The following RDH13 variants were observed in gnomAD, a reference collection of about 807,000 sequenced individuals.
RDH13 encodes retinol dehydrogenase 13.
In RDH13, 35 loss-of-function variants were observed where a neutral mutation model predicts 28.3. The ratio of observed to expected loss-of-function variants is 1.24; its 90% CI spans 0.95 to 1.64. RDH13 has a LOEUF of 1.64. Ranked by LOEUF, RDH13 falls within the 40% of genes most tolerant of loss-of-function variation. The pLI, the probability that RDH13 is intolerant of heterozygous loss-of-function variation, is 0.00. For synonymous variants in RDH13, 229 were observed against 198.5 expected (o/e 1.15, Z -1.29); for missense variants, 514 against 446.3 (o/e 1.15, Z -1.37).
At chr19:55,042,672 A>G (rs1004852862), downstream of RDH13, 15 of 152,136 alleles carry the variant, frequency 9.9e-5, 1 homozygote, top group African/African-American at 2.7e-4. Flanking sequence ...TAGTCTTCCA[A>G]TTCCCCCTCC....
rs367657614 is a variant in RDH13, at chr19:55,056,797, T to C, written c.196A>G (p.Ile66Val). The change falls in exon 3 of 7, where the codon ATC becomes GTC. Residue 66 changes from isoleucine (I) to valine (V), a missense_variant. Ile to Val is a conservative substitution (Grantham distance 29). Transcript: ENST00000415061. ...LELARRGGNI[I>V]LACRDMEKCE... ...TTCTCCATGTCTCGGCAGGCCAGGATGATGTTGCCTCCTGAAAACCCAGGA... is the reference window on the plus strand; with the variant it reads ...TTCTCCATGTCTCGGCAGGCCAGGACGATGTTGCCTCCTGAAAACCCAGGA... 2 of 1,613,776 alleles carry C rather than the reference T, an allele frequency of 1.2e-6. No individual in the cohort carries two copies. Among genetic ancestry groups the C allele is most frequent in the South Asian group, 1.1e-5 (1 of 91,044 alleles).
intron 3 of RDH13, among the ~76,000 whole-genome samples, chr19:55,049,234 A>ACCTCCATCTAAGCCTTGGGACT (rs2075348016): frequency 2.0e-5 from 3 of 152,020 alleles, no homozygotes; most frequent in Non-Finnish European, 2.9e-5. Flanking sequence ...CGCCCTCCGC[A>ACCTCCATCTAAGCCTTGGGACT]CCTCCATCTA....
downstream of RDH13, among the ~76,000 whole-genome samples, chr19:55,043,545 G>GT (rs528183693): frequency 1.1e-4 from 17 of 151,974 alleles, no homozygotes; most frequent in South Asian, 3.1e-3. Flanking sequence ...GTGGGCGCCT[G>GT]TAATCCCAGC....
At chr19:55,043,723 A>AG (rs2075104599), downstream of RDH13, among the ~76,000 whole-genome samples, 2 of 152,086 alleles carry the variant, frequency 1.3e-5, no homozygotes, top group Non-Finnish European at 2.9e-5. Context: ...AGTATCTCAA[A>AG]TATGAAAACA....
downstream of RDH13, among the ~76,000 whole-genome samples, chr19:55,043,702 C>G (rs554111384): frequency 6.6e-6 from 1 of 152,124 alleles, no homozygotes; most frequent in African/African-American, 2.4e-5. Context: ...AGTAGCATCC[C>G]TGGCCTCCCC....
At chr19:55,045,519 C>G (rs1328744260) in intron 6 of RDH13, among the ~76,000 whole-genome samples, 2 of 152,164 alleles carry the variant, frequency 1.3e-5, no homozygotes, top group Non-Finnish European at 2.9e-5. Context: ...AGCTGCCTCC[C>G]CCAAGGAGCC....
chr19:55,040,544 ATC>A (rs1174508556), downstream of RDH13: 1 of 152,180 alleles, frequency 6.6e-6, no homozygotes, highest in African/African-American at 2.4e-5. Context: ...TCTTCCCTAC[ATC>A]TCTCATTCAG....
intron 1 of RDH13, among the ~76,000 whole-genome samples, chr19:55,061,129 TTTAC>T (rs1224387106): frequency 6.6e-6 from 1 of 151,984 alleles, no homozygotes; most frequent in Non-Finnish European, 1.5e-5. Flanking sequence ...TATTTATTTA[TTTAC>T]TTATTTATTT....
In RDH13 at chr19:55,045,249, A is replaced by C; in HGVS notation, c.821T>G (p.Leu274Arg). ...PELAAQPSTY[L>R]AVAEELADVS... Reference sequence around the variant, plus strand: ...ATCCGCCAGTTCCTCCGCCACGGCCAGGTATGTGCTGGGCTGGGCGGCCAG... The same window carrying C: ...ATCCGCCAGTTCCTCCGCCACGGCCCGGTATGTGCTGGGCTGGGCGGCCAG... Residue 274 changes from leucine (L) to arginine (R), a missense_variant, in exon 7 of 7, where the codon CTG becomes CGG. By Grantham distance (102) the Leu-to-Arg change is moderately radical (BLOSUM62 -2). Coordinates refer to ENST00000415061, the MANE Select transcript of RDH13 (RefSeq NM_001145971.2). 1 of 1,613,352 alleles carries C rather than the reference A, an allele frequency of 6.2e-7. No individual in the cohort carries two copies. Among genetic ancestry groups the C allele is most frequent in the Non-Finnish European group, 8.5e-7 (1 of 1,180,022 alleles).
chr19:55,046,559 C>A (rs746398210), intron 6 of RDH13: 3 of 151,976 alleles, frequency 2.0e-5, no homozygotes, highest in Non-Finnish European at 4.4e-5. Flanking sequence ...ATTAGCCTCG[C>A]CAAGTTAAGA....
At position 55,059,398 on chromosome 19, in the gene RDH13, T is replaced by G. The variant is rs546133348; in HGVS notation, c.66-123A>C. On this transcript the variant is annotated intron_variant, in intron 1 of 6. Coordinates refer to ENST00000415061, the MANE Select transcript of RDH13 (RefSeq NM_001145971.2). ...ACATACCCCAACTGAAACACAGACA[T>G]CATCACATCACACCAAGGGACCTCT... The G allele has an allele frequency of 2.3e-5, 15 of 648,110 alleles. No individual in the cohort carries two copies. In the Admixed American group the frequency reaches 3.2e-4, roughly 14 times the overall value. The allele number at this position is 648,110 out of a possible 1,614,324, so 40.1% of individuals were successfully genotyped here. A position where few individuals can be genotyped will look rare whatever the true frequency, so the allele number is the denominator to read the frequency against.
At chr19:55,053,671 C>A (rs1671171) in intron 3 of RDH13, 110,222 of 148,246 alleles carry the variant, frequency 0.74, 41,108 homozygotes, top group East Asian at 0.94. Context: ...AAAAAAAAAA[C>A]CCCTCTAGAG....
At chr19:55,044,165 C>T (rs979428840), downstream of RDH13, 28 of 152,122 alleles carry the variant, frequency 1.8e-4, no homozygotes, top group Admixed American at 1.6e-3. Context: ...TGATCCACCG[C>T]GCCCGGCCAA....
intron 1 of RDH13, among the ~76,000 whole-genome samples, chr19:55,061,024 A>C (rs147627354): frequency 1.9e-4 from 29 of 152,198 alleles, no homozygotes; most frequent in Non-Finnish European, 3.5e-4. Context: ...TCTAGGGAAG[A>C]ATCCACTTCC....
intron 3 of RDH13, among the ~76,000 whole-genome samples, chr19:55,049,099 G>A (rs4806639): frequency 0.12 from 17,946 of 152,166 alleles, 1,379 homozygotes; most frequent in East Asian, 0.2. Flanking sequence ...CCGTCTCACA[G>A]GTCACAGCCA....
Position 55,063,061 on chromosome 19 carries a change from A to AAGCGTCC in RDH13, c.-30_-29insGGACGCT. ...GGGCCGGGGACAGGCGTCAGGCGTC[A>AAGCGTCC]GGGGTCGGCGCGGAGCTTGCTGCAC... On this transcript the variant is annotated 5_prime_UTR_variant, in exon 1 of 7. Transcript: ENST00000415061. The AAGCGTCC allele has an allele frequency of 7.6e-7, 1 of 1,307,704 alleles. No homozygotes were observed. Among genetic ancestry groups the AAGCGTCC allele is most frequent in the Non-Finnish European group, 9.9e-7 (1 of 1,015,154 alleles). The allele number at this position is 1,307,704 out of a possible 1,614,324, so 81.0% of individuals were successfully genotyped here.
chr19:55,059,524 C>T (rs185551632), intron 1 of RDH13, among the ~76,000 whole-genome samples: 54 of 137,822 alleles, frequency 3.9e-4, no homozygotes, highest in South Asian at 2.2e-3. Flanking sequence ...ATGAGATTCC[C>T]GGCCAGGTGA....
At chr19:55,063,371 TC>T (rs2075874564), upstream of RDH13, 1 of 315,224 alleles carries the variant, frequency 3.2e-6, no homozygotes, top group Admixed American at 5.0e-5. Flanking sequence ...GCTACGCAGT[TC>T]TGGAGTGAAA....
chr19:55,051,073 A>G (rs775826), intron 3 of RDH13: 134,331 of 151,154 alleles, frequency 0.89, 59,984 homozygotes, highest in East Asian at 0.97. Flanking sequence ...TTACTCATTC[A>G]GTAAGTATTT....
Sources: allele counts gnomAD v4.1 joint callset (sites outside exome capture counted in the v4.1 genomes callset), GRCh38; gene constraint gnomAD v4.1.1; transcripts MANE v1.5; gene names NCBI Gene and HGNC (gene_info 2026-07-23, HGNC 2026-07-21).